The following ANKS1B variants were observed in gnomAD, a reference collection of about 807,000 sequenced individuals.
ANKS1B encodes the protein ankyrin repeat and sterile alpha motif domain-containing protein 1B.
Under a neutral mutation model 148.3 loss-of-function variants are expected in ANKS1B, and 36 were observed. The observed-to-expected ratio is 0.24, with a 90% CI of 0.19 to 0.32. The LOEUF (loss-of-function observed/expected upper bound fraction) is 0.32, where lower values mean the gene tolerates loss of function less well. Ranked by LOEUF, ANKS1B falls within the 10% of genes least tolerant of loss-of-function variation. The probability of loss-of-function intolerance (pLI) is 1.00; values close to 1 mark genes in which losing one functional copy is unlikely to be tolerated. For synonymous variants in ANKS1B, 542 were observed against 560.8 expected (o/e 0.97, Z 0.47); for missense variants, 1,157 against 1,542.6 (o/e 0.75, Z 4.19).
intron 11 of ANKS1B, among the ~76,000 whole-genome samples, chr12:99,420,851 A>G (rs1337291374): frequency 2.0e-5 from 3 of 152,216 alleles, no homozygotes; most frequent in Non-Finnish European, 1.5e-5. Flanking sequence ...CTTCATCTTC[A>G]TATCAATGAA....
At chr12:99,626,980 T>C (rs1160926872) in intron 9 of ANKS1B, among the ~76,000 whole-genome samples, 1 of 152,276 alleles carries the variant, frequency 6.6e-6, no homozygotes, top group Non-Finnish European at 1.5e-5. Context: ...AATAAAATAA[T>C]AGACACCACT....
intron 17 of ANKS1B, among the ~76,000 whole-genome samples, chr12:98,944,374 A>G (rs2099841972): frequency 1.3e-5 from 2 of 148,876 alleles, no homozygotes; most frequent in South Asian, 4.2e-4. Context: ...ACCTTCTGCC[A>G]TGATTGAAAG....
chr12:99,435,278 G>A (rs1434796898), intron 11 of ANKS1B, among the ~76,000 whole-genome samples: 1 of 152,026 alleles, frequency 6.6e-6, no homozygotes, highest in Non-Finnish European at 1.5e-5. Flanking sequence ...AATTCCAGGA[G>A]TTTATACTTC....
chr12:99,104,910 A>G (rs921956382), intron 15 of ANKS1B: 9 of 152,244 alleles, frequency 5.9e-5, no homozygotes, highest in African/African-American at 1.9e-4. Flanking sequence ...CTCTATAAAG[A>G]CAGACCAGAC....
intron 16 of ANKS1B, among the ~76,000 whole-genome samples, chr12:99,073,028 C>T (rs2046739724): frequency 6.6e-6 from 1 of 152,204 alleles, no homozygotes; most frequent in Non-Finnish European, 1.5e-5. Context: ...GCCAAATGAA[C>T]CCTACCTTTT....
At chr12:99,377,612 TAA>T (rs1456557502) in intron 12 of ANKS1B, among the ~76,000 whole-genome samples, 2 of 152,240 alleles carry the variant, frequency 1.3e-5, no homozygotes, top group African/African-American at 2.4e-5. Context: ...CTCCAGAAGC[TAA>T]GTTTCAAAAT....
At chr12:98,748,480 C>T (rs986345778) in intron 26 of ANKS1B, among the ~76,000 whole-genome samples, 1 of 152,194 alleles carries the variant, frequency 6.6e-6, no homozygotes, top group African/African-American at 2.4e-5. Flanking sequence ...GGTCTGCCTG[C>T]CCTGTCCTAG....
At chr12:99,665,188 A>G (rs902183853) in intron 8 of ANKS1B, among the ~76,000 whole-genome samples, 2 of 152,204 alleles carry the variant, frequency 1.3e-5, no homozygotes, top group African/African-American at 4.8e-5. Context: ...AGAAACTGCT[A>G]AAGTGTTTTC....
At chr12:99,129,383 G>A in intron 15 of ANKS1B, among the ~76,000 whole-genome samples, 1 of 152,200 alleles carries the variant, frequency 6.6e-6, no homozygotes, top group East Asian at 1.9e-4. Context: ...GGAGGGTGGG[G>A]CAAGACTGAG....
In ANKS1B at chr12:99,937,258, G is replaced by A. The variant is rs958533358; in HGVS notation, c.134+46846C>T. Among the ~76,000 whole-genome samples, 3 of 151,998 alleles carry A rather than the reference G, an allele frequency of 2.0e-5. No individual in the cohort carries two copies. The South Asian group carries it at 6.2e-4, about 32-fold the overall frequency. ...TTCTTCTTCCCACCCTTCTCTGCAG[G>A]GGCCATTCTGCCAGGCCAAAGTTGG... On this transcript the variant is annotated intron_variant, in intron 1 of 26. Coordinates refer to ENST00000683438, the MANE Select transcript of ANKS1B (RefSeq NM_001352186.2).
intron 1 of ANKS1B, among the ~76,000 whole-genome samples, chr12:99,951,742 G>C (rs1386243043): frequency 6.6e-6 from 1 of 151,970 alleles, no homozygotes; most frequent in African/African-American, 2.4e-5. Context: ...AAATTAGCCA[G>C]GCACAATGGC....
chr12:99,718,603 G>A (rs541930153), intron 8 of ANKS1B, among the ~76,000 whole-genome samples: 4 of 152,280 alleles, frequency 2.6e-5, no homozygotes, highest in East Asian at 1.9e-4. Flanking sequence ...ACCTGTCCTA[G>A]AACCAGACAA....
chr12:99,827,872 A>G (rs2083409274), intron 1 of ANKS1B, among the ~76,000 whole-genome samples: 1 of 152,158 alleles, frequency 6.6e-6, no homozygotes, highest in Non-Finnish European at 1.5e-5. Context: ...ACCACACATA[A>G]CTTACCATCA....
At chr12:98,894,714 C>T in intron 17 of ANKS1B, 2 of 985,604 alleles carry the variant, frequency 2.0e-6, no homozygotes, top group Non-Finnish European at 2.4e-6. Context: ...GTGGCTTGAA[C>T]CTCCGCTCCC....
downstream of ANKS1B, among the ~76,000 whole-genome samples, chr12:98,740,454 T>TAA (rs1236049568): frequency 6.6e-6 from 1 of 152,206 alleles, no homozygotes; most frequent in Non-Finnish European, 1.5e-5. Context: ...ACAGCACAGA[T>TAA]GTTTGGTGTG....
At chr12:98,936,898 G>A (rs533858896) in intron 17 of ANKS1B, among the ~76,000 whole-genome samples, 4 of 152,366 alleles carry the variant, frequency 2.6e-5, no homozygotes, top group African/African-American at 9.6e-5. Context: ...ACTCAGTGGA[G>A]ATGATGTGGG....
At chr12:99,665,082 A>T (rs1476586130) in intron 8 of ANKS1B, among the ~76,000 whole-genome samples, 1 of 152,228 alleles carries the variant, frequency 6.6e-6, no homozygotes, top group Non-Finnish European at 1.5e-5. Flanking sequence ...CGCCATTAAC[A>T]TTCACATTAA....
chr12:99,982,828 T>C (rs527743899), intron 1 of ANKS1B, among the ~76,000 whole-genome samples: 6 of 152,232 alleles, frequency 3.9e-5, no homozygotes, highest in African/African-American at 7.2e-5. Flanking sequence ...AACGAGTATA[T>C]AGAATAACAT....
At chr12:98,823,806 C>G (rs2099222330) in intron 19 of ANKS1B, among the ~76,000 whole-genome samples, 1 of 152,248 alleles carries the variant, frequency 6.6e-6, no homozygotes. Context: ...AAGCCACTTT[C>G]CAAAATGCTG....
Sources: gnomAD v4.1 joint callset for allele counts (sites outside exome capture counted in the v4.1 genomes callset) on GRCh38, gnomAD v4.1.1 for gene constraint, MANE v1.5 for transcripts, NCBI Gene and HGNC (gene_info 2026-07-23, HGNC 2026-07-21) for gene names.